Variants in ATRNL1 observed in about 807,000 individuals in gnomAD.
ATRNL1 encodes attractin like 1.
In ATRNL1, 95 loss-of-function variants were observed where a neutral mutation model predicts 182.7. That is an observed-to-expected ratio of 0.52 (90% CI 0.44 to 0.62). The LOEUF (loss-of-function observed/expected upper bound fraction) is 0.62, where lower values mean the gene tolerates loss of function less well. Ranked by LOEUF, ATRNL1 falls within the 20% of genes least tolerant of loss-of-function variation. ATRNL1 has a pLI of 0.00. For synonymous variants in ATRNL1, 576 were observed against 568.3 expected, an observed-to-expected ratio of 1.01 and a Z score of -0.19; for missense variants, 1,471 against 1,679.5, an observed-to-expected ratio of 0.88 and a Z score of 2.17.
At chr10:115,325,429 G>T (rs1854820870) in intron 18 of ATRNL1, among the ~76,000 whole-genome samples, 1 of 152,110 alleles carries the variant, frequency 6.6e-6, no homozygotes, top group Non-Finnish European at 1.5e-5. Context: ...CAGCCATTAT[G>T]CCTGGGTCCC....
chr10:115,368,744 C>T (rs1362100996), intron 19 of ATRNL1, among the ~76,000 whole-genome samples: 3 of 147,920 alleles, frequency 2.0e-5, no homozygotes, highest in South Asian at 2.1e-4. Context: ...GGTGAATTCT[C>T]GCTCTTCCGC....
chr10:115,132,230 G>A (rs376655904), intron 5 of ATRNL1, among the ~76,000 whole-genome samples: 8 of 152,140 alleles, frequency 5.3e-5, no homozygotes, highest in South Asian at 2.1e-4. Flanking sequence ...GGTTTCCAGC[G>A]TCATCCATGT....
At chr10:115,843,673 G>A (rs913584278) in intron 27 of ATRNL1, among the ~76,000 whole-genome samples, 4 of 151,996 alleles carry the variant, frequency 2.6e-5, no homozygotes, top group Non-Finnish European at 4.4e-5. Context: ...GCAGAATAAA[G>A]GATGTGATTA....
intron 26 of ATRNL1, among the ~76,000 whole-genome samples, chr10:115,592,061 A>G (rs565604280): frequency 2.6e-5 from 4 of 152,318 alleles, no homozygotes; most frequent in East Asian, 3.9e-4. Context: ...TAAGCTAATT[A>G]GCACAGGAAC....
At chr10:115,353,648 T>C (rs1264975659) in intron 19 of ATRNL1, among the ~76,000 whole-genome samples, 1 of 152,176 alleles carries the variant, frequency 6.6e-6, no homozygotes, top group Non-Finnish European at 1.5e-5. Context: ...TCTTCCTTTC[T>C]TCCTCTCTTC....
chr10:115,253,510 A>C (rs1315580708), intron 10 of ATRNL1, among the ~76,000 whole-genome samples: 2 of 152,184 alleles, frequency 1.3e-5, no homozygotes. Context: ...CATGTCTACC[A>C]GAAATATCCA....
At position 115,687,758 on chromosome 10, in the gene ATRNL1, A is replaced by G. The variant is rs1184134825; in HGVS notation, c.3796-39490A>G. Among the ~76,000 whole-genome samples, 4 of 152,198 alleles carry G rather than the reference A, an allele frequency of 2.6e-5. No homozygotes were observed. In the East Asian group the frequency reaches 7.7e-4, roughly 29 times the overall value. On this transcript the variant is annotated intron_variant, in intron 26 of 28. Transcript: ENST00000355044. ...GCAAAAATTATATAATGTTCAATTC[A>G]GGGTAATTGGAGTATCAATCATCTT...
chr10:115,854,512 T>C (rs1286171501), intron 28 of ATRNL1, among the ~76,000 whole-genome samples: 1 of 152,218 alleles, frequency 6.6e-6, no homozygotes, highest in African/African-American at 2.4e-5. Context: ...TCCACTCACT[T>C]AGGGAAAACT....
At position 115,900,579 on chromosome 10, in the gene ATRNL1, A is replaced by T. The variant is rs566263882; in HGVS notation, c.4019-44079A>T. Among the ~76,000 whole-genome samples the T allele has an allele frequency of 7.2e-5, 11 of 151,736 alleles. No homozygotes were observed. In the East Asian group the frequency reaches 2.1e-3, roughly 29 times the overall value. On this transcript the variant is annotated intron_variant, in intron 28 of 28. Transcript: ENST00000355044. ...AGGCTTTACATGTATTAATGCAGCT[A>T]ATTTCACAACAACCCCATGAGACAA...
At chr10:115,651,160 A>G (rs186075837) in intron 26 of ATRNL1, among the ~76,000 whole-genome samples, 1 of 152,282 alleles carries the variant, frequency 6.6e-6, no homozygotes, top group Non-Finnish European at 1.5e-5. Flanking sequence ...TAGACTCTGC[A>G]TGAATTAAAA....
chr10:115,856,428 C>CAAAAAAAAAAAA (rs572743389), intron 28 of ATRNL1, among the ~76,000 whole-genome samples: 901 of 22,528 alleles, frequency 0.04, 312 homozygotes, highest in South Asian at 0.095. Context: ...AGCTCCATCT[C>CAAAAAAAAAAAA]AAAAAAAAAA....
Position 115,267,483 on chromosome 10 carries a change from G to A in ATRNL1, c.1981+478G>A, listed in dbSNP as rs368438314. On this transcript the variant is annotated intron_variant, in intron 12 of 28. Transcript: ENST00000355044. ...TATAAAATGGTGAATAAATAAATGAGACTTATGAAAAGTTACCAGTCAATT... is the reference window on the plus strand; with the variant it reads ...TATAAAATGGTGAATAAATAAATGAAACTTATGAAAAGTTACCAGTCAATT... Among the ~76,000 whole-genome samples the A allele has an allele frequency of 6.9e-4, 105 of 151,648 alleles. 2 individuals carry two copies. The South Asian group carries it at 0.021, about 31-fold the overall frequency.
intron 20 of ATRNL1, among the ~76,000 whole-genome samples, chr10:115,413,154 A>G (rs1845224967): frequency 6.6e-6 from 1 of 152,116 alleles, no homozygotes; most frequent in Non-Finnish European, 1.5e-5. Flanking sequence ...TGTATAAGTA[A>G]TATTTTATAC....
At chr10:115,732,722 G>T (rs1947836047) in intron 27 of ATRNL1, among the ~76,000 whole-genome samples, 1 of 152,050 alleles carries the variant, frequency 6.6e-6, no homozygotes, top group Non-Finnish European at 1.5e-5. Context: ...TGGCCTAAGG[G>T]TTTCTTTCCC....
At chr10:115,353,740 C>G (rs1554942106) in intron 19 of ATRNL1, among the ~76,000 whole-genome samples, 1 of 151,758 alleles carries the variant, frequency 6.6e-6, no homozygotes, top group Non-Finnish European at 1.5e-5. Flanking sequence ...TAGGTGTTTG[C>G]TTTGTCATTA....
At chr10:115,922,412 AG>A (rs782063317) in intron 28 of ATRNL1, among the ~76,000 whole-genome samples, 5 of 152,324 alleles carry the variant, frequency 3.3e-5, no homozygotes, top group Admixed American at 6.5e-5. Context: ...TATATAAATA[AG>A]CAACCAGGAT....
chr10:115,736,890 C>A (rs1406899010), intron 27 of ATRNL1, among the ~76,000 whole-genome samples: 3 of 152,080 alleles, frequency 2.0e-5, no homozygotes, highest in Admixed American at 2.0e-4. Flanking sequence ...GCCTCAGCCT[C>A]CCGAGTAGCT....
chr10:115,397,372 A>G (rs1250097457), intron 20 of ATRNL1, among the ~76,000 whole-genome samples: 1 of 151,976 alleles, frequency 6.6e-6, no homozygotes, highest in East Asian at 1.9e-4. Flanking sequence ...GTATTTAGTC[A>G]GATATCATAT....
At chr10:115,583,994 T>G (rs556310425) in intron 26 of ATRNL1, among the ~76,000 whole-genome samples, 115 of 152,294 alleles carry the variant, frequency 7.6e-4, no homozygotes, top group African/African-American at 2.7e-3. Flanking sequence ...CCTTTGCTGC[T>G]TCTATTGAGA....
Sources: gnomAD v4.1 joint callset for allele counts (sites outside exome capture counted in the v4.1 genomes callset) on GRCh38, gnomAD v4.1.1 for gene constraint, MANE v1.5 for transcripts, NCBI Gene and HGNC (gene_info 2026-07-23, HGNC 2026-07-21) for gene names.